The following MAST4 variants were observed in gnomAD, a reference collection of about 807,000 sequenced individuals.
MAST4 encodes the protein microtubule-associated serine/threonine-protein kinase 4.
MAST4 carries 89 observed loss-of-function variants against 162.7 expected under a neutral mutation model. That is an observed-to-expected ratio of 0.55 (90% confidence interval 0.46 to 0.65). MAST4 has a LOEUF of 0.65. Among genes scored for constraint, MAST4 ranks in the 30% least tolerant of loss-of-function variants. The pLI is 0.00. For missense variants in MAST4, 3,153 were observed against 3,374.0 expected (o/e 0.93, Z 1.62); for synonymous variants, 1,479 against 1,361.1 (o/e 1.09, Z -1.91).
At chr5:66,600,442 A>C (rs931971924) in intron 1 of MAST4, among the ~76,000 whole-genome samples, 2 of 152,256 alleles carry the variant, frequency 1.3e-5, no homozygotes, top group Non-Finnish European at 2.9e-5. Context: ...TGATGACTTT[A>C]AGAAAGTACT....
Position 67,130,393 on chromosome 5 carries a change from G to T in MAST4, c.1929G>T (p.Leu643Phe). 6.2e-7 allele frequency: 1 copy of T among 1,613,928 alleles called. No homozygotes were observed. The highest frequency in any genetic ancestry group is 8.5e-7 in the Non-Finnish European group (1 of 1,179,858). ...MYCSFETRRH[L>F]CMVMEYVEGG... is the part of the protein sequence containing the mutation. The stretch of plus-strand genomic sequence containing the variant: ...GCTCCTTTGAAACAAGGCGCCACTT[G>T]TGCATGGTCATGGAATATGTGGAAG... The change falls in exon 15 of 29, where the codon TTG becomes TTT. Residue 643 changes from leucine (L) to phenylalanine (F), a missense_variant. By Grantham distance (22) the Leu-to-Phe change is conservative. Transcript: ENST00000403625.
intron 3 of MAST4, among the ~76,000 whole-genome samples, chr5:66,839,956 A>G (rs966583254): frequency 2.0e-5 from 3 of 152,026 alleles, no homozygotes; most frequent in Admixed American, 6.5e-5. Context: ...CCATTGCATC[A>G]TATTGACAAT....
intron 4 of MAST4, among the ~76,000 whole-genome samples, chr5:66,995,582 T>C (rs938068085): frequency 9.2e-5 from 14 of 152,212 alleles, no homozygotes; most frequent in Admixed American, 3.3e-4. Flanking sequence ...TTTGTATTTT[T>C]AGTAGAGACG....
At chr5:67,094,144 A>C (rs1469283459) in intron 6 of MAST4, 2 of 1,492,244 alleles carry the variant, frequency 1.3e-6, no homozygotes, top group Admixed American at 3.5e-5. Context: ...TTTGTACTCC[A>C]ATCATGGTAC....
intron 3 of MAST4, among the ~76,000 whole-genome samples, chr5:66,867,466 G>A (rs796473954): frequency 1.1e-4 from 17 of 152,330 alleles, no homozygotes; most frequent in African/African-American, 3.8e-4. Context: ...ATGATCTGTA[G>A]TGTTAAGGGA....
At chr5:66,600,050 A>G (rs1579954515) in intron 1 of MAST4, among the ~76,000 whole-genome samples, 1 of 152,272 alleles carries the variant, frequency 6.6e-6, no homozygotes, top group Non-Finnish European at 1.5e-5. Flanking sequence ...TTTTGAATGT[A>G]TTTAGTAATG....
chr5:67,030,179 C>A (rs970672627), intron 4 of MAST4, among the ~76,000 whole-genome samples: 2 of 151,990 alleles, frequency 1.3e-5, no homozygotes, highest in African/African-American at 4.8e-5. Flanking sequence ...TCATTCACAT[C>A]CTTATAGGTT....
chr5:66,947,183 T>C (rs1429356580), intron 4 of MAST4, among the ~76,000 whole-genome samples: 1 of 152,154 alleles, frequency 6.6e-6, no homozygotes, highest in East Asian at 1.9e-4. Flanking sequence ...CTGGATTCTT[T>C]ATTGTTGTTT....
chr5:67,105,385 AT>A (rs1765482882), intron 10 of MAST4, among the ~76,000 whole-genome samples: 1 of 152,190 alleles, frequency 6.6e-6, no homozygotes, highest in Non-Finnish European at 1.5e-5. Context: ...TAGCATCCTA[AT>A]TTTTGAGAAC....
chr5:66,943,229 C>T lies in MAST4; in HGVS notation c.674+43247C>T, dbSNP rs184068508. 3.9e-4 allele frequency among the ~76,000 whole-genome samples: 60 copies of T among 152,116 alleles called. No individual in the cohort carries two copies. In the South Asian group the frequency reaches 0.011, roughly 27 times the overall value. On this transcript the variant is annotated intron_variant, in intron 4 of 28. Coordinates refer to ENST00000403625, the MANE Select transcript of MAST4 (RefSeq NM_001164664.2). ...CCCTTCTATGTCTTAATTTCATTAC[C>T]GGTGAAATGAGGTTGATAATAGTAT... is the stretch of plus-strand genomic sequence containing the variant.
At position 67,073,617 on chromosome 5, in the gene MAST4, A is replaced by G. The variant is rs76061307; in HGVS notation, c.764-16545A>G. ...TTAGCCAAATAAATCAGTGAGTTGG[A>G]CCTGACCTACCTGAGATTAACACAT... On this transcript the variant is annotated intron_variant, in intron 5 of 28. Transcript: ENST00000403625. 1.3e-3 allele frequency among the ~76,000 whole-genome samples: 197 copies of G among 152,318 alleles called. 2 individuals are homozygous for G. Among genetic ancestry groups the G allele is most frequent in the African/African-American group, 4.6e-3 (193 of 41,564 alleles).
intron 4 of MAST4, among the ~76,000 whole-genome samples, chr5:66,945,734 G>A: frequency 6.6e-6 from 1 of 152,168 alleles, no homozygotes; most frequent in Non-Finnish European, 1.5e-5. Flanking sequence ...TTAGGTAATT[G>A]TGGTATACCC....
chr5:66,766,714 T>C (rs1754112913), intron 2 of MAST4, among the ~76,000 whole-genome samples: 1 of 152,152 alleles, frequency 6.6e-6, no homozygotes, highest in Non-Finnish European at 1.5e-5. Flanking sequence ...GGCTGTTTTA[T>C]GGGTAGCTTT....
intron 27 of MAST4, among the ~76,000 whole-genome samples, chr5:67,161,745 C>T (rs997765014): frequency 1.2e-4 from 19 of 152,262 alleles, no homozygotes; most frequent in South Asian, 1.0e-3. Context: ...ACATTTATTA[C>T]TCTGATTAAA....
At position 67,166,719 on chromosome 5, in the gene MAST4, C is replaced by T. The variant is rs1774037702; in HGVS notation, c.7540C>T (p.His2514Tyr). Residue 2514 changes from histidine to tyrosine, a missense_variant, in exon 29 of 29, where the codon CAC (histidine) becomes TAC (tyrosine). Physicochemically the swap from His to Tyr is moderately conservative, Grantham distance 83. Coordinates refer to ENST00000403625, the MANE Select transcript of MAST4 (RefSeq NM_001164664.2). Reference sequence around the variant, plus strand: ...TCAGCCTGCCGGGGAGGGCCGAACCCACATGACAAAGAGTGACTCCCTGCC... The same window carrying T: ...TCAGCCTGCCGGGGAGGGCCGAACCTACATGACAAAGAGTGACTCCCTGCC... ...KAQPAGEGRT[H>Y]MTKSDSLPSF... 6.3e-7 allele frequency: 1 copy of T among 1,590,106 alleles called. No homozygotes were observed. Among genetic ancestry groups the T allele is most frequent in the Non-Finnish European group, 8.6e-7 (1 of 1,168,458 alleles).
intron 1 of MAST4, among the ~76,000 whole-genome samples, chr5:66,639,732 A>G (rs556069812): frequency 6.6e-6 from 1 of 152,310 alleles, no homozygotes; most frequent in East Asian, 1.9e-4. Flanking sequence ...TTATGAAAGG[A>G]GATAAAAATG....
At chr5:66,980,247 T>C (rs16896094) in intron 4 of MAST4, among the ~76,000 whole-genome samples, 4,905 of 152,282 alleles carry the variant, frequency 0.032, 258 homozygotes, top group African/African-American at 0.11. Context: ...GCAGCCACAA[T>C]GCTAGATGCA....
intron 4 of MAST4, among the ~76,000 whole-genome samples, chr5:66,904,278 G>C (rs1763201858): frequency 6.6e-6 from 1 of 152,130 alleles, no homozygotes; most frequent in Non-Finnish European, 1.5e-5. Flanking sequence ...GGACCCCTTT[G>C]TGTTTTGTTA....
intron 26 of MAST4, among the ~76,000 whole-genome samples, chr5:67,154,150 GA>G (rs1173800093): frequency 6.6e-6 from 1 of 152,202 alleles, no homozygotes; most frequent in East Asian, 1.9e-4. Flanking sequence ...AATGTAAGCA[GA>G]ATATAGCCTA....
Sources: gnomAD v4.1 joint callset for allele counts (sites outside exome capture counted in the v4.1 genomes callset) on GRCh38, gnomAD v4.1.1 for gene constraint, MANE v1.5 for transcripts, NCBI Gene and HGNC (gene_info 2026-07-23, HGNC 2026-07-21) for gene names.